MAP3K5: variants seen among roughly 807,000 people sequenced by gnomAD.
MAP3K5 encodes the protein ASK-1.
In MAP3K5, 56 loss-of-function variants were observed where a neutral mutation model predicts 158.7. The ratio of observed to expected loss-of-function variants is 0.35; its 90% confidence interval spans 0.28 to 0.44. The LOEUF (loss-of-function observed/expected upper bound fraction) is 0.44, where lower values mean the gene tolerates loss of function less well. Ranked by LOEUF, MAP3K5 falls within the 20% of genes least tolerant of loss-of-function variation. The pLI is 1.00. For synonymous variants in MAP3K5, 579 were observed against 601.7 expected (o/e 0.96, Z 0.55); for missense variants, 1,294 against 1,674.8 (o/e 0.77, Z 3.97).
At chr6:136,752,683 A>G (rs1783269452) in intron 1 of MAP3K5, among the ~76,000 whole-genome samples, 1 of 152,134 alleles carries the variant, frequency 6.6e-6, no homozygotes, top group African/African-American at 2.4e-5. Flanking sequence ...GAGTGCTGGG[A>G]TTATGGGTGT....
chr6:136,583,537 G>C lies in MAP3K5; in HGVS notation c.3411+18C>G. ...AATTTTAGTGTGTGGGAAAACACTG[G>C]CAAAATATCATACTTACAGCATCTT... On this transcript the variant is annotated intron_variant, in intron 24 of 29. Transcript: ENST00000359015. 1 of 1,592,576 alleles carries C rather than the reference G, an allele frequency of 6.3e-7. No homozygotes were observed. Among genetic ancestry groups the C allele is most frequent in the Non-Finnish European group, 8.6e-7 (1 of 1,168,546 alleles).
chr6:136,698,609 C>T lies in MAP3K5; in HGVS notation c.686G>A (p.Ser229Asn). Residue 229 changes from serine (S) to asparagine (N), a missense_variant, in exon 4 of 30, where the codon AGC (serine) becomes AAC (asparagine). Physicochemically the swap from Ser to Asn is conservative, Grantham distance 46. Coordinates refer to ENST00000359015, the MANE Select transcript of MAP3K5 (RefSeq NM_005923.4). ...PHNKVYCCDS[S>N]FMKGLTELMQ... The stretch of plus-strand genomic sequence containing the variant: ...GAGCTCTGTCAACCCCTTCATGAAG[C>T]TGCTGTCACAGCAGTAGACTTTGTT... The T allele has an allele frequency of 3.7e-6, 6 of 1,614,028 alleles. No homozygotes were observed. The highest frequency in any genetic ancestry group is 5.1e-6 in the Non-Finnish European group (6 of 1,179,962).
At chr6:136,747,347 T>G (rs1783005138) in intron 1 of MAP3K5, among the ~76,000 whole-genome samples, 1 of 152,210 alleles carries the variant, frequency 6.6e-6, no homozygotes, top group Non-Finnish European at 1.5e-5. Context: ...TCTGGTCCCT[T>G]CATAGGGCAG....
At chr6:136,654,161 T>C (rs142443028) in intron 10 of MAP3K5, among the ~76,000 whole-genome samples, 216 of 152,330 alleles carry the variant, frequency 1.4e-3, no homozygotes, top group Non-Finnish European at 2.5e-3. Flanking sequence ...TCTAAAGAAA[T>C]GAAATGTGGC....
At chr6:136,707,129 T>C (rs1328163464) in intron 2 of MAP3K5, among the ~76,000 whole-genome samples, 1 of 152,082 alleles carries the variant, frequency 6.6e-6, no homozygotes, top group Admixed American at 6.5e-5. Context: ...CACTCCAGCT[T>C]GGGCAACAGA....
chr6:136,642,170 C>T (rs903746121), intron 12 of MAP3K5, among the ~76,000 whole-genome samples: 9 of 151,834 alleles, frequency 5.9e-5, no homozygotes, highest in Admixed American at 5.2e-4. Flanking sequence ...TCCTTGTATA[C>T]CAAAAGGACA....
At chr6:136,594,531 A>G (rs567690653) in intron 21 of MAP3K5, among the ~76,000 whole-genome samples, 56 of 152,304 alleles carry the variant, frequency 3.7e-4, no homozygotes, top group African/African-American at 1.2e-3. Context: ...ATGGAAGAAT[A>G]CAGCTGAAGA....
chr6:136,774,635 T>G (rs904836613), intron 1 of MAP3K5, among the ~76,000 whole-genome samples: 1 of 152,218 alleles, frequency 6.6e-6, no homozygotes, highest in Non-Finnish European at 1.5e-5. Context: ...ACCTGGGGCA[T>G]GTCAAGAACC....
intron 1 of MAP3K5, among the ~76,000 whole-genome samples, chr6:136,775,738 A>G (rs1784380324): frequency 6.6e-6 from 1 of 152,202 alleles, no homozygotes; most frequent in South Asian, 2.1e-4. Flanking sequence ...TGGCCTGGGA[A>G]AACTAAGGCA....
chr6:136,745,365 G>A lies in MAP3K5; in HGVS notation c.449-24776C>T, dbSNP rs372475394. On this transcript the variant is annotated intron_variant, in intron 1 of 29. Transcript: ENST00000359015. ...TCTCCATGTTCAACTCTCAACACAC[G>A]AATACACTTTTTGAAAATACAAGAA... Among the ~76,000 whole-genome samples the A allele has an allele frequency of 3.1e-4, 47 of 152,098 alleles. 1 individual carries two copies. The highest frequency in any genetic ancestry group is 1.4e-3 in the Admixed American group (21 of 15,278).
intron 25 of MAP3K5, chr6:136,579,935 T>G: frequency 2.2e-6 from 1 of 452,504 alleles, no homozygotes; most frequent in East Asian, 6.9e-5. Flanking sequence ...CAATACCTCC[T>G]TAAATTGCTC....
At chr6:136,712,572 A>G (rs1190594889) in intron 2 of MAP3K5, among the ~76,000 whole-genome samples, 1 of 152,184 alleles carries the variant, frequency 6.6e-6, no homozygotes, top group African/African-American at 2.4e-5. Context: ...ATTGGGTCAC[A>G]TTATTCAAGT....
At position 136,561,569 on chromosome 6, in the gene MAP3K5, C is replaced by T; in HGVS notation, c.3951G>A (p.Leu1317=). ...NTEDSELTDW[L]RVNGADEDTI... ...TGTCTTCATCAGCTCCATTCACTCT[C>T]AGCCAGTCGGTAAGTTCAGAATCTT... The change falls in exon 28 of 30, where the codon CTG becomes CTA. Residue 1317 remains leucine (L), a synonymous_variant. Transcript: ENST00000359015. The T allele has an allele frequency of 6.2e-7, 1 of 1,613,874 alleles. No individual in the cohort carries two copies. The highest frequency in any genetic ancestry group is 8.5e-7 in the Non-Finnish European group (1 of 1,179,732).
At chr6:136,699,655 GA>G (rs1780759500) in intron 3 of MAP3K5, among the ~76,000 whole-genome samples, 1 of 152,220 alleles carries the variant, frequency 6.6e-6, no homozygotes, top group Non-Finnish European at 1.5e-5. Flanking sequence ...GAGCAGGGAT[GA>G]AAGTGGAAAG....
At chr6:136,754,955 G>A (rs1242598694) in intron 1 of MAP3K5, among the ~76,000 whole-genome samples, 1 of 151,986 alleles carries the variant, frequency 6.6e-6, no homozygotes, top group Non-Finnish European at 1.5e-5. Flanking sequence ...TGAGGTTGTC[G>A]TCTCCTCCTC....
chr6:136,724,814 T>G (rs776813186), intron 1 of MAP3K5, among the ~76,000 whole-genome samples: 1 of 152,168 alleles, frequency 6.6e-6, no homozygotes, highest in Admixed American at 6.5e-5. Context: ...ATTCATTCTC[T>G]TTGTCTCTGA....
At chr6:136,614,324 G>T (rs751470685) in intron 15 of MAP3K5, 38 bp from the exon 16 acceptor site, 2 of 1,600,920 alleles carry the variant, frequency 1.2e-6, no homozygotes, top group East Asian at 4.5e-5. Flanking sequence ...TAATTATGTA[G>T]CCAGACTTTA....
intron 11 of MAP3K5, among the ~76,000 whole-genome samples, chr6:136,646,512 T>C (rs997137520): frequency 2.1e-4 from 32 of 152,356 alleles, no homozygotes; most frequent in Admixed American, 1.5e-3. Flanking sequence ...CTTTCTGTTC[T>C]TTTTCTGTCT....
Position 136,592,485 on chromosome 6 carries a change from T to G in MAP3K5, c.3008A>C (p.Lys1003Thr), listed in dbSNP as rs768508180. ...VDPFSFKTRAKSCGERDVKGI... is the reference protein window; with the variant it reads ...VDPFSFKTRATSCGERDVKGI... The stretch of plus-strand genomic sequence containing the variant: ...CTTGACATCTCTTTCTCCGCAGGAC[T>G]TGGCTCTTGTTTTGAAAGAGAAGGG... The change falls in exon 22 of 30, where the codon AAG becomes ACG. Residue 1003 changes from lysine (K) to threonine (T), a missense_variant. Lys to Thr is a moderately conservative substitution (Grantham distance 78). Transcript: ENST00000359015. The G allele has an allele frequency of 6.2e-7, 1 of 1,614,096 alleles. No homozygotes were observed. The highest frequency in any genetic ancestry group is 1.7e-5 in the Admixed American group (1 of 60,012).
Sources: gnomAD v4.1 joint callset for allele counts (sites outside exome capture counted in the v4.1 genomes callset) on GRCh38, gnomAD v4.1.1 for gene constraint, MANE v1.5 for transcripts, NCBI Gene and HGNC (gene_info 2026-07-23, HGNC 2026-07-21) for gene names.